ZNF407: variants seen among roughly 807,000 people sequenced by gnomAD.
The protein encoded by ZNF407 is zinc finger protein 407.
In ZNF407, 17 loss-of-function variants were observed where a neutral mutation model predicts 131.2. The observed-to-expected ratio is 0.13, with a 90% CI of 0.09 to 0.19. The LOEUF (loss-of-function observed/expected upper bound fraction) is 0.19, where lower values mean the gene tolerates loss of function less well. Ranked by LOEUF, ZNF407 falls within the 10% of genes least tolerant of loss-of-function variation. The probability of loss-of-function intolerance (pLI) is 1.00; values close to 1 mark genes in which losing one functional copy is unlikely to be tolerated. For missense variants in ZNF407, 2,681 were observed against 2,830.6 expected, an observed-to-expected ratio of 0.95 and a Z score of 1.20; for synonymous variants, 1,156 against 1,062.0, an observed-to-expected ratio of 1.09 and a Z score of -1.72.
chr18:74,991,398 T>C (rs1972717200), intron 8 of ZNF407, among the ~76,000 whole-genome samples: 1 of 152,230 alleles, frequency 6.6e-6, no homozygotes, highest in Non-Finnish European at 1.5e-5. Context: ...TTAAATGTTG[T>C]GGCACCAATA....
intron 3 of ZNF407, among the ~76,000 whole-genome samples, chr18:74,749,624 T>A (rs1268392449): frequency 6.6e-6 from 1 of 152,204 alleles, no homozygotes; most frequent in Non-Finnish European, 1.5e-5. Flanking sequence ...TTCCTGTATT[T>A]ATTGTTTGAG....
chr18:75,008,963 A>G (rs1480688533), intron 8 of ZNF407, among the ~76,000 whole-genome samples: 1 of 152,106 alleles, frequency 6.6e-6, no homozygotes, highest in Non-Finnish European at 1.5e-5. Flanking sequence ...TTATTTTTCA[A>G]TAAAGATTCT....
At chr18:74,813,339 C>T (rs1308055666) in intron 4 of ZNF407, among the ~76,000 whole-genome samples, 1 of 152,150 alleles carries the variant, frequency 6.6e-6, no homozygotes, top group African/African-American at 2.4e-5. Context: ...GGGCTGAGTG[C>T]TTCAGGCTCA....
At chr18:74,841,086 C>T (rs1317909643) in intron 4 of ZNF407, among the ~76,000 whole-genome samples, 2 of 152,212 alleles carry the variant, frequency 1.3e-5, no homozygotes, top group Non-Finnish European at 2.9e-5. Context: ...GTGTGCTGGG[C>T]TCTTCGCAAG....
chr18:74,714,242 A>T (rs1466768868), intron 3 of ZNF407, among the ~76,000 whole-genome samples: 1 of 152,244 alleles, frequency 6.6e-6, no homozygotes, highest in Non-Finnish European at 1.5e-5. Context: ...TTAACTTGTC[A>T]TACACCATAG....
chr18:74,841,995 G>A (rs907459654), intron 4 of ZNF407, among the ~76,000 whole-genome samples: 3 of 152,276 alleles, frequency 2.0e-5, no homozygotes, highest in African/African-American at 7.2e-5. Flanking sequence ...ATGTTCCTGA[G>A]GTGAGATTCA....
intron 4 of ZNF407, among the ~76,000 whole-genome samples, chr18:74,866,361 C>T (rs1338933842): frequency 6.6e-6 from 1 of 152,172 alleles, no homozygotes; most frequent in Non-Finnish European, 1.5e-5. Flanking sequence ...TCTAGCTAAT[C>T]TTACCTTGAG....
rs1055992419 is a variant in ZNF407, at chr18:74,761,428, A to G, written c.4803-20000A>G. ...AGCCCTTTTCTATATCCCTTAGCAC[A>G]ATTTTTTTTACAAAGCACATTGTCT... is the stretch of plus-strand genomic sequence containing the variant. On this transcript the variant is annotated intron_variant, in intron 3 of 8. Transcript: ENST00000299687. 1.3e-5 allele frequency among the ~76,000 whole-genome samples: 2 copies of G among 152,036 alleles called. 1 individual carries two copies. The highest frequency in any genetic ancestry group is 4.8e-5 in the African/African-American group (2 of 41,408).
chr18:74,716,848 A>T (rs575431868), intron 3 of ZNF407, among the ~76,000 whole-genome samples: 2 of 152,206 alleles, frequency 1.3e-5, no homozygotes, highest in African/African-American at 4.8e-5. Context: ...TCGCATTTTA[A>T]AATGAGCATT....
rs1414244540 is a variant in ZNF407 at position 74,877,087 on chromosome 18, C to T, written c.4878-110C>T. The T allele has an allele frequency of 4.4e-5, 40 of 912,222 alleles. No homozygotes were observed. In the South Asian group the frequency reaches 5.2e-4, roughly 12 times the overall value. 56.5% of individuals were successfully genotyped at this position (912,222 alleles called of 1,614,324 possible). On this transcript the variant is annotated intron_variant, in intron 4 of 8. Coordinates refer to ENST00000299687, the MANE Select transcript of ZNF407 (RefSeq NM_017757.3). ...GACAGACCAGGCCTGCAGTGCTCCT[C>T]GCAGAGGCTGCGTGTGCACCGCACC...
chr18:74,877,329 C>G lies in ZNF407; in HGVS notation c.5010C>G (p.Ala1670=), dbSNP rs372548048. ...WPTCHYSFLT[A]SAMKDHYRTH... ...CGTGCCATTACTCATTCCTCACAGC[C>G]TCCGCAATGAAAGACCACTACAGGA... is the stretch of plus-strand genomic sequence containing the variant. The change falls in exon 5 of 9, where the codon GCC becomes GCG. Residue 1670 remains alanine (A), a synonymous_variant. Coordinates refer to ENST00000299687, the MANE Select transcript of ZNF407 (RefSeq NM_017757.3). 2 of 1,613,600 alleles carry G rather than the reference C, an allele frequency of 1.2e-6. No homozygotes were observed. The highest frequency in any genetic ancestry group is 1.7e-6 in the Non-Finnish European group (2 of 1,179,900).
Position 74,631,363 on chromosome 18 carries a change from C to T in ZNF407, c.344C>T (p.Thr115Ile), listed in dbSNP as rs748274904. The change falls in exon 2 of 9, where the codon ACC (threonine) becomes ATC (isoleucine). Residue 115 changes from threonine (T) to isoleucine (I), a missense_variant. Transcript: ENST00000299687. ...GIALDETGKE[T>I]FLSDCTVGGT... ...GCATTAGATGAAACAGGGAAGGAGA[C>T]CTTTCTGAGTGACTGCACAGTTGGA... is the stretch of plus-strand genomic sequence containing the variant. 6.2e-7 allele frequency: 1 copy of T among 1,613,968 alleles called. No individual in the cohort carries two copies. Among genetic ancestry groups the T allele is most frequent in the Non-Finnish European group, 8.5e-7 (1 of 1,179,898 alleles).
chr18:74,642,032 T>TA (rs1984746379), intron 3 of ZNF407, among the ~76,000 whole-genome samples: 1 of 151,874 alleles, frequency 6.6e-6, no homozygotes, highest in Admixed American at 6.6e-5. Context: ...GTTTTTTTTT[T>TA]AGTAGAAGAT....
intron 4 of ZNF407, among the ~76,000 whole-genome samples, chr18:74,858,892 A>G (rs1403866404): frequency 6.6e-6 from 1 of 151,784 alleles, no homozygotes; most frequent in African/African-American, 2.4e-5. Context: ...ATTGTTCTGC[A>G]TTTTTCCCTT....
chr18:74,618,414 A>C (rs1255540009), intron 1 of ZNF407, among the ~76,000 whole-genome samples: 1 of 152,176 alleles, frequency 6.6e-6, no homozygotes, highest in Non-Finnish European at 1.5e-5. Context: ...AGGTCCAGCG[A>C]ACCATAGGTA....
chr18:74,721,971 T>C (rs1199949187), intron 3 of ZNF407, among the ~76,000 whole-genome samples: 1 of 152,204 alleles, frequency 6.6e-6, no homozygotes, highest in Non-Finnish European at 1.5e-5. Flanking sequence ...CAGCTCTTAA[T>C]TGTATTTTTT....
chr18:74,728,303 C>T (rs1396481441), intron 3 of ZNF407, among the ~76,000 whole-genome samples: 2 of 152,062 alleles, frequency 1.3e-5, no homozygotes, highest in Non-Finnish European at 2.9e-5. Flanking sequence ...GAGACTGTTT[C>T]AGAAGTTAGT....
chr18:74,782,208 C>T (rs561184640), intron 4 of ZNF407, among the ~76,000 whole-genome samples: 34 of 152,258 alleles, frequency 2.2e-4, no homozygotes, highest in Admixed American at 1.2e-3. Context: ...TTTTCAGCTT[C>T]CCTCAGATTC....
Position 75,058,343 on chromosome 18 carries a change from T to G in ZNF407, c.5429-4807T>G, listed in dbSNP as rs551735450. ...GCTGTGAACTTTCAATGCATTCGGC[T>G]CTGAGAAGGGAGTAAAATATCTTTG... On this transcript the variant is annotated intron_variant, in intron 8 of 8. Transcript: ENST00000299687. Among the ~76,000 whole-genome samples, 13 of 152,294 alleles carry G rather than the reference T, an allele frequency of 8.5e-5. No homozygotes were observed. The South Asian group carries it at 2.7e-3, about 32-fold the overall frequency.
Sources: gnomAD v4.1 joint callset for allele counts (sites outside exome capture counted in the v4.1 genomes callset) on GRCh38, gnomAD v4.1.1 for gene constraint, MANE v1.5 for transcripts, NCBI Gene and HGNC (gene_info 2026-07-23, HGNC 2026-07-21) for gene names.